Variants in TMIGD2 observed in about 807,000 individuals in gnomAD.
The protein encoded by TMIGD2 is transmembrane and immunoglobulin domain containing 2.
Under a neutral mutation model 22.6 loss-of-function variants are expected in TMIGD2, and 18 were observed. The ratio of observed to expected loss-of-function variants is 0.80; its 90% CI spans 0.55 to 1.18. TMIGD2 has a LOEUF of 1.18. TMIGD2 is among the 50% of genes most tolerant of loss of function. TMIGD2 has a pLI of 0.00. For missense variants in TMIGD2, 361 were observed against 378.2 expected (o/e 0.95, Z 0.38); for synonymous variants, 184 against 154.1 (o/e 1.19, Z -1.44).
At position 4,298,182 on chromosome 19, in the gene TMIGD2, G is replaced by A. The variant is rs1326613578; in HGVS notation, c.210C>T (p.Tyr70=). The change falls in exon 2 of 5, where the codon TAC becomes TAT. Residue 70 remains tyrosine, a synonymous_variant. Transcript: ENST00000301272. ...CCAGGCTGAGGCTGCCGTTGGTGAT[G>A]TACGGTTGACACAGGATGGCCCCAT... 5.6e-6 allele frequency: 9 copies of A among 1,613,500 alleles called. No homozygotes were observed. In the South Asian group the frequency reaches 7.7e-5, roughly 14 times the overall value.
At chr19:4,295,801 C>T (rs559367263) in intron 2 of TMIGD2, among the ~76,000 whole-genome samples, 53 of 152,220 alleles carry the variant, frequency 3.5e-4, no homozygotes, top group Non-Finnish European at 1.0e-4. Flanking sequence ...CCTACCCAGG[C>T]GGCAGCAGGA....
At chr19:4,294,965 G>GA (rs1971441953) in intron 2 of TMIGD2, 149 bp from the exon 3 acceptor site, 1 of 781,200 alleles carries the variant, frequency 1.3e-6, no homozygotes. Context: ...TTCTTCTTCT[G>GA]AAAAATGAGG....
exon 5 of TMIGD2, chr19:4,292,827 C>G (rs1971400662): frequency 3.7e-6 from 6 of 1,613,800 alleles, no homozygotes; most frequent in Non-Finnish European, 5.1e-6. Flanking sequence ...CAGAGCAGTC[C>G]TCACTCTTCT....
chr19:4,292,726 C>A, exon 5 of TMIGD2: 1 of 1,608,712 alleles, frequency 6.2e-7, no homozygotes, highest in Non-Finnish European at 8.5e-7. Context: ...CGGGCTGGGG[C>A]AGGGTCTTGA....
At chr19:4,295,557 C>T (rs1048035422) in intron 2 of TMIGD2, among the ~76,000 whole-genome samples, 7 of 148,906 alleles carry the variant, frequency 4.7e-5, no homozygotes, top group African/African-American at 1.2e-4. Flanking sequence ...GAGACTGTCT[C>T]GAAAAAAAAA....
exon 5 of TMIGD2, chr19:4,292,773 G>A: frequency 6.2e-7 from 1 of 1,611,606 alleles, no homozygotes; most frequent in Non-Finnish European, 8.5e-7. Context: ...GTTGCGGGAA[G>A]GAGGTTGAAT....
intron 1 of TMIGD2, among the ~76,000 whole-genome samples, chr19:4,299,982 CG>C (rs1420873384): frequency 9.9e-5 from 15 of 151,466 alleles, no homozygotes; most frequent in Admixed American, 9.9e-4. Flanking sequence ...GTTCATGGGC[CG>C]GGTGCAGTGG....
At chr19:4,295,386 C>T (rs900637744) in intron 2 of TMIGD2, among the ~76,000 whole-genome samples, 4 of 151,712 alleles carry the variant, frequency 2.6e-5, no homozygotes, top group African/African-American at 9.7e-5. Context: ...CAGTGAAACC[C>T]CGTCTCTACT....
intron 1 of TMIGD2, among the ~76,000 whole-genome samples, chr19:4,301,479 C>T (rs910201698): frequency 1.3e-5 from 2 of 152,102 alleles, no homozygotes; most frequent in East Asian, 1.9e-4. Flanking sequence ...CCCACCTGGC[C>T]GAGATGGCGA....
chr19:4,298,589 G>A (rs1325388466), intron 1 of TMIGD2, among the ~76,000 whole-genome samples: 2 of 152,060 alleles, frequency 1.3e-5, no homozygotes, highest in South Asian at 2.1e-4. Flanking sequence ...TATTTAAAAA[G>A]TAGCTGGGTA....
At chr19:4,294,943 C>T in intron 2 of TMIGD2, 127 bp from the exon 3 acceptor site, 1 of 925,188 alleles carries the variant, frequency 1.1e-6, no homozygotes, top group Non-Finnish European at 1.5e-6. Context: ...AGTGTTCACT[C>T]TGAACCTCTG....
Position 4,294,793 on chromosome 19 carries a change from G to A in TMIGD2, c.430C>T (p.Arg144Trp), listed in dbSNP as rs147066554. Residue 144 changes from arginine to tryptophan, a missense_variant, in exon 3 of 5, where the codon CGG (arginine) becomes TGG (tryptophan). Physicochemically the swap from Arg to Trp is moderately radical, Grantham distance 101. Coordinates refer to ENST00000301272, the Ensembl canonical transcript of TMIGD2. Reference sequence around the variant, plus strand: ...GGCTCACCTGGGAAGCTTGCGATCCGGTTTCTGTTCTGTGTGGGGTCATCT... The same window carrying A: ...GGCTCACCTGGGAAGCTTGCGATCCAGTTTCTGTTCTGTGTGGGGTCATCT... The A allele has an allele frequency of 3.2e-4, 506 of 1,586,826 alleles. 5 individuals carry two copies. The African/African-American group carries it at 4.6e-3, about 15-fold the overall frequency.
At chr19:4,294,648 T>TGCTTCCCACCCCCAG (rs1407768005) in exon 4 of TMIGD2, 1 of 1,601,564 alleles carries the variant, frequency 6.2e-7, no homozygotes, top group Non-Finnish European at 8.5e-7. Flanking sequence ...GCCACACCCA[T>TGCTTCCCACCCCCAG]GCTTCCCACC....
At chr19:4,297,608 G>A (rs1413487022) in intron 2 of TMIGD2, among the ~76,000 whole-genome samples, 1 of 152,162 alleles carries the variant, frequency 6.6e-6, no homozygotes, top group African/African-American at 2.4e-5. Context: ...TGTAATCCCA[G>A]TACTTTGGGA....
chr19:4,294,131 G>C (rs547099260), intron 4 of TMIGD2, among the ~76,000 whole-genome samples: 1 of 144,236 alleles, frequency 6.9e-6, no homozygotes, highest in African/African-American at 2.6e-5. Context: ...TCAGTGGCGC[G>C]ATCTTGGCTC....
chr19:4,300,961 A>AGTTTTTGTTTTT (rs56121229), intron 1 of TMIGD2, among the ~76,000 whole-genome samples: 25 of 151,254 alleles, frequency 1.7e-4, no homozygotes, highest in East Asian at 5.9e-4. Context: ...GTCCAATTGA[A>AGTTTTTGTTTTT]GTTTTTGTTT....
At chr19:4,295,086 C>A (rs8104256) in intron 2 of TMIGD2, among the ~76,000 whole-genome samples, 30,092 of 144,502 alleles carry the variant, frequency 0.21, 3,234 homozygotes, top group Admixed American at 0.28. Context: ...CATGGTGAAA[C>A]CCCATCTCTA....
intron 1 of TMIGD2, among the ~76,000 whole-genome samples, chr19:4,300,186 G>A (rs567653550): frequency 4.1e-4 from 63 of 151,966 alleles, no homozygotes; most frequent in Admixed American, 9.8e-4. Context: ...GCTTGAACCC[G>A]GGAGGTGGAG....
At chr19:4,298,213 G>T in exon 2 of TMIGD2, 1 of 1,613,242 alleles carries the variant, frequency 6.2e-7, no homozygotes, top group Non-Finnish European at 8.5e-7. Flanking sequence ...CCCATCCTTT[G>T]TCCACTTAAC....
Sources: allele counts gnomAD v4.1 joint callset (sites outside exome capture counted in the v4.1 genomes callset), GRCh38; gene constraint gnomAD v4.1.1; transcripts MANE v1.5; gene names NCBI Gene and HGNC (gene_info 2026-07-23, HGNC 2026-07-21).